Variants in HDHD2 observed in about 807,000 individuals in gnomAD.
The protein encoded by HDHD2 is haloacid dehalogenase-like hydrolase domain-containing protein 2.
A neutral mutation model predicts 24.8 loss-of-function variants in HDHD2; 26 were observed. That is an observed-to-expected ratio of 1.05 (90% CI 0.77 to 1.45). HDHD2 has a LOEUF of 1.45. Ranked by LOEUF, HDHD2 falls within the 40% of genes most tolerant of loss-of-function variation. The pLI, the probability that HDHD2 is intolerant of heterozygous loss-of-function variation, is 0.00. For missense variants in HDHD2, 299 were observed against 313.4 expected, an observed-to-expected ratio of 0.95 and a Z score of 0.35; for synonymous variants, 128 against 114.9, an observed-to-expected ratio of 1.11 and a Z score of -0.73.
chr18:47,148,805 T>C (rs1402226544), intron 1 of HDHD2, among the ~76,000 whole-genome samples: 2 of 152,246 alleles, frequency 1.3e-5, no homozygotes, highest in Non-Finnish European at 2.9e-5. Context: ...AACTTCTTAA[T>C]TGTCCTCTCT....
intron 5 of HDHD2, among the ~76,000 whole-genome samples, chr18:47,113,983 C>T (rs947806629): frequency 2.0e-5 from 3 of 152,104 alleles, no homozygotes; most frequent in Non-Finnish European, 4.4e-5. Flanking sequence ...TAACCAACAG[C>T]CCCCCATGCA....
chr18:47,122,443 T>C (rs1234470967), intron 4 of HDHD2, among the ~76,000 whole-genome samples: 1 of 152,044 alleles, frequency 6.6e-6, no homozygotes, highest in Non-Finnish European at 1.5e-5. Flanking sequence ...CCACCACCCC[T>C]CTCCCTCAGT....
chr18:47,139,464 C>CAAAAAAAAAAAAAAAAAA (rs760347919), intron 1 of HDHD2, among the ~76,000 whole-genome samples: 4 of 50,474 alleles, frequency 7.9e-5, no homozygotes, highest in African/African-American at 3.0e-4. Flanking sequence ...GACTCTGTCT[C>CAAAAAAAAAAAAAAAAAA]AAAAAAAAAA....
intron 1 of HDHD2, chr18:47,137,236 T>C (rs1215978342): frequency 5.0e-6 from 3 of 602,152 alleles, no homozygotes; most frequent in Admixed American, 3.9e-5. Flanking sequence ...CAGACATACC[T>C]GCACATTTGG....
chr18:47,144,032 T>C (rs1450906459), intron 1 of HDHD2, among the ~76,000 whole-genome samples: 1 of 151,894 alleles, frequency 6.6e-6, no homozygotes, highest in Non-Finnish European at 1.5e-5. Context: ...ACTCTCCAAA[T>C]AAAGCCTAAC....
rs71162832 is a variant in HDHD2 at position 47,122,889 on chromosome 18, T to TA, written c.395+7354dup. Among the ~76,000 whole-genome samples, 1,240 of 147,096 alleles carry TA rather than the reference T, an allele frequency of 8.4e-3. 2 individuals are homozygous for TA. Among genetic ancestry groups the TA allele is most frequent in the Non-Finnish European group, 0.014 (905 of 66,356 alleles). ...GCTATTTCTAGTTATAATCAGAATT[T>TA]AAAAAAAAAAAGTTTTGAAGTCTTT... On this transcript the variant is annotated intron_variant, in intron 4 of 6. Coordinates refer to ENST00000300605, the MANE Select transcript of HDHD2 (RefSeq NM_032124.5).
intron 1 of HDHD2, among the ~76,000 whole-genome samples, chr18:47,140,373 A>G (rs1383935810): frequency 3.9e-5 from 6 of 152,258 alleles, no homozygotes; most frequent in African/African-American, 1.4e-4. Flanking sequence ...AAATATCTAC[A>G]TAAATGGCTT....
intron 4 of HDHD2, among the ~76,000 whole-genome samples, chr18:47,118,392 C>T (rs2063574472): frequency 1.3e-5 from 2 of 152,186 alleles, no homozygotes; most frequent in Admixed American, 6.5e-5. Flanking sequence ...AAATGTGGTA[C>T]ACATACACCA....
At chr18:47,149,293 A>G (rs1363746456) in intron 1 of HDHD2, among the ~76,000 whole-genome samples, 2 of 152,104 alleles carry the variant, frequency 1.3e-5, no homozygotes, top group African/African-American at 2.4e-5. Context: ...TTTAATACAA[A>G]TTTTCCCTTG....
chr18:47,113,922 AG>A (rs1007599473), intron 5 of HDHD2, among the ~76,000 whole-genome samples: 1 of 152,092 alleles, frequency 6.6e-6, no homozygotes, highest in African/African-American at 2.4e-5. Context: ...GGTGGGAAAA[AG>A]AATGTGGACA....
At chr18:47,123,760 C>A (rs1412615287) in intron 4 of HDHD2, among the ~76,000 whole-genome samples, 1 of 152,112 alleles carries the variant, frequency 6.6e-6, no homozygotes, top group Non-Finnish European at 1.5e-5. Flanking sequence ...ATTTTATTTT[C>A]ATAGACTGGA....
rs933668205 is a variant in HDHD2, at chr18:47,107,976, A to G, written c.*706T>C. ...TTTAATTTTACATAAAATTTCCAAA[A>G]CAACTGTTACACAGTATAATAGGTA... On this transcript the variant is annotated 3_prime_UTR_variant, in exon 7 of 7. Coordinates refer to ENST00000300605, the MANE Select transcript of HDHD2 (RefSeq NM_032124.5). The G allele has an allele frequency of 6.5e-6, 1 of 152,682 alleles. No individual in the cohort carries two copies. The highest frequency in any genetic ancestry group is 2.4e-5 in the African/African-American group (1 of 41,464). 9.5% of individuals were successfully genotyped at this position (152,682 alleles called of 1,614,324 possible). A position where few individuals can be genotyped will look rare whatever the true frequency, so the allele number is the denominator to read the frequency against.
At chr18:47,139,150 T>C (rs1196131085) in intron 1 of HDHD2, among the ~76,000 whole-genome samples, 1 of 152,046 alleles carries the variant, frequency 6.6e-6, no homozygotes, top group Non-Finnish European at 1.5e-5. Flanking sequence ...GGCTGTTAAT[T>C]TGTATCCTTC....
chr18:47,148,581 G>C (rs1018965283), intron 1 of HDHD2, among the ~76,000 whole-genome samples: 2 of 152,190 alleles, frequency 1.3e-5, no homozygotes, highest in Non-Finnish European at 2.9e-5. Context: ...ATCTGGGCTT[G>C]AATATCACTG....
In HDHD2 at chr18:47,110,073, C is replaced by T. The variant is rs573435265; in HGVS notation, c.677-1288G>A. The T allele has an allele frequency of 2.3e-3, 2,223 of 985,440 alleles. 22 individuals are homozygous for T. Among genetic ancestry groups the T allele is most frequent in the Non-Finnish European group, 2.3e-3 (1,914 of 829,948 alleles). 61.0% of individuals were successfully genotyped at this position (985,440 alleles called of 1,614,324 possible). A position where few individuals can be genotyped will look rare whatever the true frequency, so the allele number is the denominator to read the frequency against. ...CCTTGCTCTCTCATCCCTTTGTGGT[C>T]TCTATTGTTGATTCTTCTGCTTTTC... is the stretch of plus-strand genomic sequence containing the variant. On this transcript the variant is annotated intron_variant, in intron 6 of 6. Transcript: ENST00000300605.
chr18:47,149,864 G>A (rs955219694), intron 1 of HDHD2, among the ~76,000 whole-genome samples: 2 of 152,120 alleles, frequency 1.3e-5, no homozygotes, highest in African/African-American at 4.8e-5. Flanking sequence ...TTTCCCACTG[G>A]GTTATTTAGG....
chr18:47,117,171 T>C (rs945894385), intron 4 of HDHD2, among the ~76,000 whole-genome samples: 1 of 152,200 alleles, frequency 6.6e-6, no homozygotes, highest in Non-Finnish European at 1.5e-5. Flanking sequence ...AGATCTTTTA[T>C]AGTTAAACAT....
chr18:47,129,252 G>C (rs2063689374), intron 4 of HDHD2, among the ~76,000 whole-genome samples: 1 of 152,118 alleles, frequency 6.6e-6, no homozygotes, highest in Admixed American at 6.5e-5. Flanking sequence ...TTTATCTTGG[G>C]AAGTACAAGA....
chr18:47,137,118 T>A, intron 1 of HDHD2: 4 of 730,658 alleles, frequency 5.5e-6, no homozygotes, highest in South Asian at 5.4e-5. Flanking sequence ...CAGTTTAAGA[T>A]TAAGAGGCAT....
Sources: allele counts gnomAD v4.1 joint callset (sites outside exome capture counted in the v4.1 genomes callset), GRCh38; gene constraint gnomAD v4.1.1; transcripts MANE v1.5; gene names NCBI Gene and HGNC (gene_info 2026-07-23, HGNC 2026-07-21).